LIPA: variants seen among roughly 807,000 people sequenced by gnomAD.
LIPA encodes lipase A, lysosomal acid type.
In LIPA, 26 loss-of-function variants were observed where a neutral mutation model predicts 40.6. The ratio of observed to expected loss-of-function variants is 0.64; its 90% confidence interval spans 0.47 to 0.89. The LOEUF (loss-of-function observed/expected upper bound fraction) is 0.89, where lower values mean the gene tolerates loss of function less well. Among genes scored for constraint, LIPA ranks in the 40% least tolerant of loss-of-function variants. The probability of loss-of-function intolerance (pLI) is 0.00; values close to 1 mark genes in which losing one functional copy is unlikely to be tolerated. For synonymous variants in LIPA, 188 were observed against 168.4 expected (o/e 1.12, Z -0.90); for missense variants, 455 against 479.6 (o/e 0.95, Z 0.48).
chr10:89,317,358 T>C (rs912865369), intron 1 of LIPA, among the ~76,000 whole-genome samples: 2 of 152,166 alleles, frequency 1.3e-5, no homozygotes, highest in African/African-American at 4.8e-5. Flanking sequence ...ATAAAGAGCG[T>C]AGAGAAGACC....
At chr10:89,238,774 T>C (rs1436159689) in intron 3 of LIPA, among the ~76,000 whole-genome samples, 5 of 152,246 alleles carry the variant, frequency 3.3e-5, no homozygotes, top group Non-Finnish European at 7.3e-5. Context: ...ATATATGGAA[T>C]ATAATACATA....
chr10:89,380,563 C>T (rs981520951), intron 2 of LIPA, among the ~76,000 whole-genome samples: 2 of 151,890 alleles, frequency 1.3e-5, no homozygotes, highest in East Asian at 1.9e-4. Context: ...CAGCCCAAGT[C>T]GCTGGGACTA....
chr10:89,332,483 C>T lies in LIPA; in HGVS notation c.-2+10128G>A, dbSNP rs1443717868. 5.8e-6 allele frequency: 9 copies of T among 1,542,842 alleles called. No individual in the cohort carries two copies. In the East Asian group the frequency reaches 1.9e-4, roughly 33 times the overall value. ...TCTTGATAGGGTTCCATCAGTTTCA[C>T]TTTCCTTTCCCCTTTCATAAAAGCA... On this transcript the variant is annotated intron_variant, in intron 1 of 5. Transcript: ENST00000282673.
intron 2 of LIPA, chr10:89,378,210 C>T (rs572395877): frequency 8.4e-6 from 13 of 1,551,334 alleles, no homozygotes; most frequent in Middle Eastern, 3.4e-4. Flanking sequence ...TCCTTAAGGG[C>T]CAATTTTTTG....
chr10:89,338,901 G>C (rs749945253), intron 1 of LIPA: 1 of 1,614,164 alleles, frequency 6.2e-7, no homozygotes. Context: ...AGTTAATCCA[G>C]CAAGAACATG....
chr10:89,303,450 A>ATTG (rs1463025855), intron 1 of LIPA, among the ~76,000 whole-genome samples: 1 of 152,204 alleles, frequency 6.6e-6, no homozygotes, highest in Admixed American at 6.5e-5. Context: ...AAAGGAAGAA[A>ATTG]TTGTTGTTGT....
chr10:89,293,789 AG>A (rs1843392441), intron 1 of LIPA: 1 of 151,974 alleles, frequency 6.6e-6, no homozygotes, highest in African/African-American at 2.4e-5. Context: ...TTACCAGATT[AG>A]GGGCCCCACC....
rs765362853 is a variant in LIPA at position 89,340,074 on chromosome 10, C to T, written c.-2+2537G>A. On this transcript the variant is annotated intron_variant, in intron 1 of 5. Transcript: ENST00000282673. Reference sequence around the variant, plus strand: ...ATGGTAGTGAGGAAATGGGCCAGGGCGCAGTCAGCTCCAGTCCCAGAGAGC... The same window carrying T: ...ATGGTAGTGAGGAAATGGGCCAGGGTGCAGTCAGCTCCAGTCCCAGAGAGC... 7.0e-5 allele frequency: 113 copies of T among 1,613,158 alleles called. No homozygotes were observed. In the Middle Eastern group the frequency reaches 9.9e-4, roughly 14 times the overall value.
intron 6 of LIPA, among the ~76,000 whole-genome samples, chr10:89,224,274 C>T (rs1429720954): frequency 1.3e-5 from 2 of 152,172 alleles, no homozygotes; most frequent in African/African-American, 2.4e-5. Flanking sequence ...TCCAGCCCAT[C>T]GCTTGCTTTT....
chr10:89,306,225 A>G, intron 1 of LIPA: 1 of 1,614,184 alleles, frequency 6.2e-7, no homozygotes, highest in Non-Finnish European at 8.5e-7. Flanking sequence ...GACCAGGCAG[A>G]AATCAGAAGT....
At chr10:89,411,933 T>A (rs958006080) in intron 2 of LIPA, among the ~76,000 whole-genome samples, 3 of 152,208 alleles carry the variant, frequency 2.0e-5, no homozygotes, top group African/African-American at 7.2e-5. Context: ...CTTTGGGCCC[T>A]GTGTTTTTAA....
chr10:89,230,897 G>A (rs927083039), intron 3 of LIPA, among the ~76,000 whole-genome samples: 14 of 152,322 alleles, frequency 9.2e-5, no homozygotes, highest in African/African-American at 3.4e-4. Flanking sequence ...AATAAGTGAG[G>A]TAAGTATCCA....
chr10:89,376,404 T>C (rs1201150918), intron 2 of LIPA, among the ~76,000 whole-genome samples: 1 of 152,176 alleles, frequency 6.6e-6, no homozygotes, highest in Non-Finnish European at 1.5e-5. Flanking sequence ...TCTGCTCTCA[T>C]TTCAACTGTG....
chr10:89,266,760 T>G (rs1843238296), intron 1 of LIPA, among the ~76,000 whole-genome samples: 1 of 152,256 alleles, frequency 6.6e-6, no homozygotes, highest in Admixed American at 6.5e-5. Context: ...ACCTCATAAA[T>G]CTGTTCCAGA....
At chr10:89,372,712 G>T in intron 2 of LIPA, among the ~76,000 whole-genome samples, 1 of 152,184 alleles carries the variant, frequency 6.6e-6, no homozygotes, top group South Asian at 2.1e-4. Context: ...AACCTCTGTG[G>T]GTTTCCCAGA....
chr10:89,389,231 AC>A (rs1200382291), intron 2 of LIPA, among the ~76,000 whole-genome samples: 17 of 152,336 alleles, frequency 1.1e-4, no homozygotes, highest in African/African-American at 4.1e-4. Flanking sequence ...TAAATGAAAA[AC>A]GTGAGGAAAA....
intron 1 of LIPA, among the ~76,000 whole-genome samples, chr10:89,265,878 C>G (rs1250251733): frequency 6.6e-6 from 1 of 152,126 alleles, no homozygotes; most frequent in Non-Finnish European, 1.5e-5. Flanking sequence ...ATCCATTATC[C>G]AAAAATCCAA....
upstream of LIPA, among the ~76,000 whole-genome samples, chr10:89,254,466 A>C (rs1843171268): frequency 6.6e-6 from 1 of 152,206 alleles, no homozygotes; most frequent in Non-Finnish European, 1.5e-5. Context: ...TAGGCTGCAC[A>C]CAGCAGGGAG....
Position 89,214,171 on chromosome 10 carries a change from T to C in LIPA, c.*657A>G, listed in dbSNP as rs183051471. ...GTTTTTGTTTTATCAGTGCAATTTG[T>C]TTTTGAAGACGCCGGAAAACTATTT... is the stretch of plus-strand genomic sequence containing the variant. On this transcript the variant is annotated 3_prime_UTR_variant, in exon 10 of 10. Coordinates refer to ENST00000336233, the MANE Select transcript of LIPA (RefSeq NM_000235.4). 1.3e-5 allele frequency: 2 copies of C among 152,478 alleles called. No homozygotes were observed. The highest frequency in any genetic ancestry group is 1.3e-4 in the Admixed American group (2 of 15,308). The allele number at this position is 152,478 out of a possible 1,614,324, so 9.4% of individuals were successfully genotyped here. A position where few individuals can be genotyped will look rare whatever the true frequency, so the allele number is the denominator to read the frequency against.
Sources: gnomAD v4.1 joint callset for allele counts (sites outside exome capture counted in the v4.1 genomes callset) on GRCh38, gnomAD v4.1.1 for gene constraint, MANE v1.5 for transcripts, NCBI Gene and HGNC (gene_info 2026-07-23, HGNC 2026-07-21) for gene names.